The following CCDC102B variants were observed in gnomAD, a reference collection of about 807,000 sequenced individuals.
CCDC102B encodes coiled-coil domain containing 102B, also known as coiled-coil domain-containing protein 102B.
CCDC102B carries 75 observed loss-of-function variants against 57.4 expected under a neutral mutation model. The observed-to-expected ratio is 1.31, with a 90% CI of 1.08 to 1.58. The LOEUF is 1.58. Among genes scored for constraint, CCDC102B ranks in the 40% most tolerant of loss-of-function variants. The probability of loss-of-function intolerance (pLI) is 0.00; values close to 1 mark genes in which losing one functional copy is unlikely to be tolerated. For missense variants in CCDC102B, 636 were observed against 582.6 expected, an observed-to-expected ratio of 1.09 and a Z score of -0.94; for synonymous variants, 206 against 201.9, an observed-to-expected ratio of 1.02 and a Z score of -0.17.
At chr18:68,930,307 G>A (rs937268514) in intron 6 of CCDC102B, among the ~76,000 whole-genome samples, 4 of 149,488 alleles carry the variant, frequency 2.7e-5, no homozygotes, top group African/African-American at 9.8e-5. Context: ...CATATACTAC[G>A]TATTATATAA....
chr18:68,985,848 G>A (rs1298788418), intron 6 of CCDC102B, among the ~76,000 whole-genome samples: 5 of 152,154 alleles, frequency 3.3e-5, no homozygotes, highest in Non-Finnish European at 5.9e-5. Flanking sequence ...CAATGAAACA[G>A]AGTGGAGAAG....
At chr18:68,857,256 T>TTATACATTATATAA (rs1207346944) in intron 4 of CCDC102B, among the ~76,000 whole-genome samples, 1 of 55,260 alleles carries the variant, frequency 1.8e-5, no homozygotes. Context: ...ATTTATTATT[T>TTATACATTATATAA]AAATATATAA....
downstream of CCDC102B, among the ~76,000 whole-genome samples, chr18:69,056,651 A>C (rs3059271): frequency 1.5e-3 from 25 of 16,920 alleles, no homozygotes; most frequent in Admixed American, 2.3e-3. Context: ...ATAGATAGAT[A>C]GATAGATAGA....
chr18:68,769,412 A>G (rs1233601765), intron 2 of CCDC102B, among the ~76,000 whole-genome samples: 1 of 152,138 alleles, frequency 6.6e-6, no homozygotes, highest in African/African-American at 2.4e-5. Flanking sequence ...ATCTCCAAAT[A>G]ACATCATATT....
intron 5 of CCDC102B, among the ~76,000 whole-genome samples, chr18:68,887,912 A>G (rs1235715767): frequency 6.6e-6 from 1 of 152,232 alleles, no homozygotes; most frequent in Non-Finnish European, 1.5e-5. Flanking sequence ...CCCAAGGCAT[A>G]CATTCATATT....
At position 68,780,138 on chromosome 18, in the gene CCDC102B, C is replaced by A. The variant is rs80164443; in HGVS notation, c.-66-43228C>A. On this transcript the variant is annotated intron_variant, in intron 2 of 3. Coordinates refer to the CCDC102B transcript ENST00000578970. ...AATACGTTGTTTTTTTCACTGACTTCTTTTACTTATCATAATGTCTCCTAA... is the reference window on the plus strand; with the variant it reads ...AATACGTTGTTTTTTTCACTGACTTATTTTACTTATCATAATGTCTCCTAA... 1.8e-3 allele frequency among the ~76,000 whole-genome samples: 277 copies of A among 152,140 alleles called. 3 individuals carry two copies. In the East Asian group the frequency reaches 0.043, roughly 24 times the overall value.
At chr18:68,784,304 G>C (rs148978742) in intron 2 of CCDC102B, among the ~76,000 whole-genome samples, 38 of 151,184 alleles carry the variant, frequency 2.5e-4, no homozygotes, top group African/African-American at 9.4e-4. Context: ...GTGGGAGCAG[G>C]AGGAAGAGAG....
At position 69,011,362 on chromosome 18, in the gene CCDC102B, ATGTGTGTGTGTGTGTG is replaced by A. The variant is rs72492630; in HGVS notation, c.1434+276_1434+291del. Reference sequence around the variant, plus strand: ...AGCATGACCTTGTGTGCACGTGCGCATGTGTGTGTGTGTGTGTGTGTGTGTGTGTGTGTTTAAATAT... The same window carrying A: ...AGCATGACCTTGTGTGCACGTGCGCATGTGTGTGTGTGTGTGTTTAAATAT... On this transcript the variant is annotated intron_variant, in intron 7 of 7. Coordinates refer to ENST00000360242, the MANE Select transcript of CCDC102B (RefSeq NM_024781.3). The A allele has an allele frequency of 1.7e-4, 61 of 349,248 alleles. No individual in the cohort carries two copies. The Middle Eastern group carries it at 4.5e-3, about 26-fold the overall frequency. The allele number at this position is 349,248 out of a possible 1,614,324, so 21.6% of individuals were successfully genotyped here. A position where few individuals can be genotyped will look rare whatever the true frequency, so the allele number is the denominator to read the frequency against.
At chr18:68,962,212 A>G (rs2145231808) in intron 6 of CCDC102B, among the ~76,000 whole-genome samples, 1 of 152,222 alleles carries the variant, frequency 6.6e-6, no homozygotes, top group Middle Eastern at 3.4e-3. Context: ...TTTTAAAAGC[A>G]AATAGAGCAT....
Position 68,857,027 on chromosome 18 carries a change from A to G in CCDC102B, c.936+10606A>G, listed in dbSNP as rs1176918475. Among the ~76,000 whole-genome samples the G allele has an allele frequency of 5.3e-5, 7 of 130,900 alleles. No individual in the cohort carries two copies. The East Asian group carries it at 1.4e-3, about 27-fold the overall frequency. The allele number at this position is 130,900 out of a possible 152,430, so 85.9% of individuals were successfully genotyped here. A position where few individuals can be genotyped will look rare whatever the true frequency, so the allele number is the denominator to read the frequency against. On this transcript the variant is annotated intron_variant, in intron 4 of 7. Coordinates refer to ENST00000360242, the MANE Select transcript of CCDC102B (RefSeq NM_024781.3). ...TGTTTTGTCTATTTTCTTTTAAATA[A>G]TATATTTATATATAATATATAATAT... is the stretch of plus-strand genomic sequence containing the variant.
At chr18:68,791,730 T>A (rs2144662317) in intron 2 of CCDC102B, among the ~76,000 whole-genome samples, 1 of 152,018 alleles carries the variant, frequency 6.6e-6, no homozygotes, top group East Asian at 1.9e-4. Flanking sequence ...ATATATATAT[T>A]TTCTCTCATA....
Position 68,956,434 on chromosome 18 carries a change from T to TTA in CCDC102B, c.1264-54492_1264-54491dup, listed in dbSNP as rs1384800742. Among the ~76,000 whole-genome samples the TTA allele has an allele frequency of 1.1e-4, 4 of 36,148 alleles. 1 individual carries two copies. Among genetic ancestry groups the TTA allele is most frequent in the Non-Finnish European group, 1.7e-4 (4 of 23,872 alleles). 23.7% of individuals were successfully genotyped at this position (36,148 alleles called of 152,430 possible). A position where few individuals can be genotyped will look rare whatever the true frequency, so the allele number is the denominator to read the frequency against. ...ATATATATTATATATATTATACATT[T>TTA]TATATATATTATATATATTATATAT... On this transcript the variant is annotated intron_variant, in intron 6 of 7. Coordinates refer to ENST00000360242, the MANE Select transcript of CCDC102B (RefSeq NM_024781.3).
intron 5 of CCDC102B, among the ~76,000 whole-genome samples, chr18:68,875,204 T>C (rs2039395692): frequency 6.6e-6 from 1 of 152,150 alleles, no homozygotes; most frequent in South Asian, 2.1e-4. Context: ...AAATTCACTT[T>C]TGTTATAGTT....
At chr18:69,048,877 A>G (rs986231627) in intron 7 of CCDC102B, among the ~76,000 whole-genome samples, 1 of 152,004 alleles carries the variant, frequency 6.6e-6, no homozygotes, top group Non-Finnish European at 1.5e-5. Context: ...ATAGAGGAGG[A>G]TTGATATTTC....
At chr18:68,919,406 A>G (rs2041195293) in intron 6 of CCDC102B, among the ~76,000 whole-genome samples, 1 of 152,132 alleles carries the variant, frequency 6.6e-6, no homozygotes, top group Non-Finnish European at 1.5e-5. Flanking sequence ...TTTCTTATAT[A>G]TTTTTACCCA....
intron 5 of CCDC102B, among the ~76,000 whole-genome samples, chr18:68,878,690 C>G (rs1379288296): frequency 6.6e-6 from 1 of 152,128 alleles, no homozygotes; most frequent in Non-Finnish European, 1.5e-5. Flanking sequence ...GCTTGGATTC[C>G]AGGCTCCAGA....
In CCDC102B at chr18:69,014,573, A is replaced by G. The variant is rs961092642; in HGVS notation, c.1434+3469A>G. Among the ~76,000 whole-genome samples, 5 of 151,870 alleles carry G rather than the reference A, an allele frequency of 3.3e-5. No homozygotes were observed. The East Asian group carries it at 5.8e-4, about 18-fold the overall frequency. On this transcript the variant is annotated intron_variant, in intron 7 of 7. Coordinates refer to ENST00000360242, the MANE Select transcript of CCDC102B (RefSeq NM_024781.3). ...GAAATTTTTCTGTCCTAGTTTCACT[A>G]TAGTATATTGGGCAAGCATGTGTGT...
chr18:68,871,176 A>C (rs138881181), intron 4 of CCDC102B, among the ~76,000 whole-genome samples: 14 of 152,316 alleles, frequency 9.2e-5, no homozygotes, highest in African/African-American at 3.4e-4. Context: ...ATTATGGTAC[A>C]AACACAGGAA....
chr18:68,769,455 G>C (rs534053643), intron 2 of CCDC102B, among the ~76,000 whole-genome samples: 3 of 151,874 alleles, frequency 2.0e-5, no homozygotes, highest in East Asian at 3.9e-4. Context: ...GAGTTTAAAG[G>C]GTACACAATT....
Sources: gnomAD v4.1 joint callset for allele counts (sites outside exome capture counted in the v4.1 genomes callset) on GRCh38, gnomAD v4.1.1 for gene constraint, MANE v1.5 for transcripts, NCBI Gene and HGNC (gene_info 2026-07-23, HGNC 2026-07-21) for gene names.